The following TG variants were observed in gnomAD, a reference collection of about 807,000 sequenced individuals.
The protein encoded by TG is thyroid hormones.
TG carries 270 observed loss-of-function variants against 324.7 expected under a neutral mutation model. The ratio of observed to expected loss-of-function variants is 0.83; its 90% CI spans 0.75 to 0.92. TG has a LOEUF of 0.92. Among genes scored for constraint, TG ranks in the 40% least tolerant of loss-of-function variants. The probability of loss-of-function intolerance (pLI) is 0.00; values close to 1 mark genes in which losing one functional copy is unlikely to be tolerated. For synonymous variants in TG, 1,401 were observed against 1,327.0 expected, an observed-to-expected ratio of 1.06 and a Z score of -1.21; for missense variants, 3,591 against 3,456.4, an observed-to-expected ratio of 1.04 and a Z score of -0.98.
intron 45 of TG, among the ~76,000 whole-genome samples, chr8:133,127,212 G>C (rs1398942773): frequency 6.6e-6 from 1 of 152,194 alleles, no homozygotes; most frequent in African/African-American, 2.4e-5. Context: ...TCCACTGCCA[G>C]GTGCATCTCT....
intron 44 of TG, among the ~76,000 whole-genome samples, chr8:133,114,425 C>T (rs1765436143): frequency 6.6e-6 from 1 of 152,172 alleles, no homozygotes; most frequent in African/African-American, 2.4e-5. Context: ...GACCTGCCTC[C>T]CTCTCCTAGT....
intron 5 of TG, among the ~76,000 whole-genome samples, chr8:132,876,861 T>A (rs1813876795): frequency 6.6e-6 from 1 of 152,254 alleles, no homozygotes; most frequent in Non-Finnish European, 1.5e-5. Context: ...TTGGCTTCTT[T>A]ATTAACCCTT....
At chr8:132,912,170 G>A (rs957355112) in intron 19 of TG, among the ~76,000 whole-genome samples, 2 of 152,174 alleles carry the variant, frequency 1.3e-5, no homozygotes, top group Non-Finnish European at 2.9e-5. Context: ...AACATTGCCA[G>A]GAAGGAGACT....
chr8:133,133,412 G>A, intron 46 of TG, 58 bp from the exon 47 acceptor site: 2 of 1,538,088 alleles, frequency 1.3e-6, no homozygotes, highest in East Asian at 2.2e-5. Flanking sequence ...AGTGATTCAG[G>A]TGATGAAAGG....
chr8:132,994,854 A>G lies in TG; in HGVS notation c.6262+11442A>G, dbSNP rs1420724978. The G allele has an allele frequency of 3.2e-6, 4 of 1,264,162 alleles. No individual in the cohort carries two copies. In the South Asian group the frequency reaches 3.9e-5, roughly 12 times the overall value. The allele number at this position is 1,264,162 out of a possible 1,614,324, so 78.3% of individuals were successfully genotyped here. A position where few individuals can be genotyped will look rare whatever the true frequency, so the allele number is the denominator to read the frequency against. ...GGGGCTGGGTCAGATGATGGAAAGC[A>G]TTGGTTATCTTGCTGTGATGGAGTA... On this transcript the variant is annotated intron_variant, in intron 35 of 47. Transcript: ENST00000220616.
At chr8:133,043,040 TG>T (rs760895342) in intron 41 of TG, among the ~76,000 whole-genome samples, 1 of 152,178 alleles carries the variant, frequency 6.6e-6, no homozygotes, top group African/African-American at 2.4e-5. Flanking sequence ...AGTGGCCATG[TG>T]GCTCCCACTT....
intron 23 of TG, among the ~76,000 whole-genome samples, chr8:132,929,965 G>A (rs2687817): frequency 0.4 from 61,517 of 152,064 alleles, 15,197 homozygotes; most frequent in Admixed American, 0.53. Context: ...AGTGAGCGTA[G>A]TCGCAATAGT....
intron 41 of TG, among the ~76,000 whole-genome samples, chr8:133,055,241 C>T (rs145168078): frequency 1.8e-4 from 27 of 152,180 alleles, no homozygotes; most frequent in African/African-American, 5.8e-4. Flanking sequence ...GGGAGCTGTA[C>T]AGCCCAGGGA....
At chr8:133,089,701 C>T (rs1431945463) in intron 41 of TG, among the ~76,000 whole-genome samples, 2 of 152,188 alleles carry the variant, frequency 1.3e-5, no homozygotes, top group African/African-American at 4.8e-5. Flanking sequence ...TTCACTCACT[C>T]ATGCAATACA....
intron 38 of TG, 56 bp downstream of exon 38, chr8:133,018,053 T>C: frequency 1.9e-6 from 3 of 1,550,180 alleles, no homozygotes; most frequent in East Asian, 2.3e-5. Context: ...TCCTCCATTC[T>C]AATCTATCCA....
chr8:133,047,912 G>A, intron 41 of TG: 1 of 1,610,632 alleles, frequency 6.2e-7, no homozygotes, highest in South Asian at 1.1e-5. Flanking sequence ...CCTTGTCTCT[G>A]CCCAGGCCCT....
chr8:133,116,923 G>C (rs1850744942), intron 45 of TG, among the ~76,000 whole-genome samples: 1 of 152,058 alleles, frequency 6.6e-6, no homozygotes, highest in Non-Finnish European at 1.5e-5. Flanking sequence ...TGCAAATGAT[G>C]ATGACACACT....
chr8:133,128,893 A>T (rs1240010267), intron 45 of TG, among the ~76,000 whole-genome samples: 1 of 152,230 alleles, frequency 6.6e-6, no homozygotes, highest in Non-Finnish European at 1.5e-5. Flanking sequence ...ATGAAGCCAC[A>T]TGAGCACACG....
intron 27 of TG, among the ~76,000 whole-genome samples, chr8:132,949,882 C>T (rs1449854228): frequency 6.6e-6 from 1 of 152,212 alleles, no homozygotes; most frequent in Non-Finnish European, 1.5e-5. Context: ...CAGCAGACCC[C>T]CATCAGGAAA....
chr8:132,898,236 G>A lies in TG; in HGVS notation c.3207G>A (p.Gln1069=), dbSNP rs749938497. The A allele has an allele frequency of 1.3e-6, 2 of 1,599,552 alleles. No homozygotes were observed. Among genetic ancestry groups the A allele is most frequent in the Admixed American group, 3.4e-5 (2 of 58,642 alleles). The part of the protein sequence containing the change: ...IPGSLTARSL[Q]IPQCPTTCEK... ...GCTCACTGACTGCCCGCTCTCTGCAGATTCCACAGTGTAAGTGAAGACTGC... is the reference window on the plus strand; with the variant it reads ...GCTCACTGACTGCCCGCTCTCTGCAAATTCCACAGTGTAAGTGAAGACTGC... The change falls in exon 13 of 48, where the codon CAG becomes CAA. Residue 1069 remains glutamine (Q), a synonymous_variant. Transcript: ENST00000220616.
chr8:132,987,344 A>T (rs1831696890), intron 35 of TG, among the ~76,000 whole-genome samples: 1 of 151,410 alleles, frequency 6.6e-6, no homozygotes, highest in Non-Finnish European at 1.5e-5. Context: ...TGGTTCTGAC[A>T]TAGATTGTGA....
In TG at chr8:132,906,746, T is replaced by TGAGA; in HGVS notation, c.3694_3697dup (p.Thr1233ArgfsTer34). ...AGGTGGTTGGTGGAACAATCCTGTG[T>TGAGA]GAGACAATCTCGGGCCCCACAGGCT... On this transcript the variant is annotated frameshift_variant, in exon 17 of 48. Transcript: ENST00000220616. LOFTEE classifies it high-confidence loss of function. The TGAGA allele has an allele frequency of 6.2e-7, 1 of 1,614,190 alleles. No homozygotes were observed. Among genetic ancestry groups the TGAGA allele is most frequent in the African/African-American group, 1.3e-5 (1 of 75,056 alleles).
At chr8:132,957,849 T>C (rs1351254716) in intron 27 of TG, among the ~76,000 whole-genome samples, 1 of 151,982 alleles carries the variant, frequency 6.6e-6, no homozygotes, top group Non-Finnish European at 1.5e-5. Context: ...ATGAGTAAGT[T>C]CTTTAGTGGT....
At chr8:133,033,669 T>G (rs1227811132) in intron 41 of TG, among the ~76,000 whole-genome samples, 2 of 152,218 alleles carry the variant, frequency 1.3e-5, no homozygotes, top group Non-Finnish European at 2.9e-5. Context: ...CAGGCCTTTT[T>G]ATCTCTGTTC....
Sources: gnomAD v4.1 joint callset for allele counts (sites outside exome capture counted in the v4.1 genomes callset) on GRCh38, gnomAD v4.1.1 for gene constraint, MANE v1.5 for transcripts, NCBI Gene and HGNC (gene_info 2026-07-23, HGNC 2026-07-21) for gene names.